The following COL6A6 variants were observed in gnomAD, a reference collection of about 807,000 sequenced individuals.
COL6A6 encodes collagen type VI alpha 6 chain.
In COL6A6, 183 loss-of-function variants were observed where a neutral mutation model predicts 208.6. That is an observed-to-expected ratio of 0.88 (90% CI 0.78 to 0.99). The LOEUF (loss-of-function observed/expected upper bound fraction) is 0.99. COL6A6 is among the 50% of genes least tolerant of loss of function. COL6A6 has a pLI of 0.00. For synonymous variants in COL6A6, 973 were observed against 1,011.8 expected, an observed-to-expected ratio of 0.96 and a Z score of 0.73; for missense variants, 2,816 against 2,815.2, an observed-to-expected ratio of 1.00 and a Z score of -0.01.
At chr3:130,616,192 G>A (rs1424001931) in intron 23 of COL6A6, among the ~76,000 whole-genome samples, 5 of 151,478 alleles carry the variant, frequency 3.3e-5, no homozygotes, top group Non-Finnish European at 7.4e-5. Context: ...ATTCTTCACC[G>A]GTTCTATAAA....
chr3:130,594,831 C>T (rs1002546259), intron 18 of COL6A6, among the ~76,000 whole-genome samples: 5 of 152,182 alleles, frequency 3.3e-5, no homozygotes, highest in African/African-American at 4.8e-5. Context: ...AGCAAAAGGA[C>T]GTCTTATATG....
In COL6A6 at chr3:130,566,995, T is replaced by C. The variant is rs2063041700; in HGVS notation, c.1576T>C (p.Leu526=). The C allele has an allele frequency of 6.2e-7, 1 of 1,613,900 alleles. No individual in the cohort carries two copies. Among genetic ancestry groups the C allele is most frequent in the Non-Finnish European group, 8.5e-7 (1 of 1,179,900 alleles). Residue 526 remains leucine (L), a synonymous_variant, in exon 5 of 37, where the codon TTG becomes CTG. Transcript: ENST00000358511. ...AGCACTGAATTTCACACTGAGTCTG[T>C]TGCAAAAAGCAAAGAAGCAGCGAGG... ...GAALNFTLSL[L]QKAKKQRGNK...
In COL6A6 at chr3:130,524,588, CT is replaced by C. The variant is rs373007350; in HGVS notation, c.-32+7192del. 5.4e-4 allele frequency among the ~76,000 whole-genome samples: 82 copies of C among 151,044 alleles called. 1 individual carries two copies. In the South Asian group the frequency reaches 0.016, roughly 29 times the overall value. Reference sequence around the variant, plus strand: ...TAAATTCATAAATATGTATTCTTAGCTGCAAAATTCTTTAAGTAGTTGCCTT... The same window carrying C: ...TAAATTCATAAATATGTATTCTTAGCGCAAAATTCTTTAAGTAGTTGCCTT... On this transcript the variant is annotated intron_variant, in intron 1 of 36. Coordinates refer to ENST00000358511, the MANE Select transcript of COL6A6 (RefSeq NM_001102608.3).
intron 26 of COL6A6, among the ~76,000 whole-genome samples, chr3:130,627,663 T>A (rs1191969774): frequency 2.0e-5 from 3 of 152,184 alleles, no homozygotes; most frequent in Non-Finnish European, 4.4e-5. Flanking sequence ...TCTTAGCCAC[T>A]CCAGGCTCAA....
chr3:130,574,348 G>T lies in COL6A6; in HGVS notation c.3370G>T (p.Ala1124Ser), dbSNP rs761558991. Residue 1124 changes from alanine to serine, a missense_variant, in exon 8 of 37, where the codon GCC becomes TCC. Transcript: ENST00000358511. ...AGACGAGGTGGCCCAGGCCGCGGAA[G>T]CCCTGAGACACAGAGGTATCGACAT... is the stretch of plus-strand genomic sequence containing the variant. ...SQDEVAQAAE[A>S]LRHRGIDIYS... 4 of 1,613,910 alleles carry T rather than the reference G, an allele frequency of 2.5e-6. No homozygotes were observed. In the East Asian group the frequency reaches 8.9e-5, roughly 36 times the overall value.
intron 23 of COL6A6, among the ~76,000 whole-genome samples, chr3:130,611,089 C>T (rs2064344674): frequency 6.6e-6 from 1 of 152,084 alleles, no homozygotes; most frequent in Non-Finnish European, 1.5e-5. Flanking sequence ...TAAAACATTC[C>T]ACCACCTAGA....
chr3:130,657,668 CAG>C (rs930292390), intron 33 of COL6A6, among the ~76,000 whole-genome samples: 2 of 152,192 alleles, frequency 1.3e-5, no homozygotes, highest in African/African-American at 4.8e-5. Context: ...ACTCAAAATA[CAG>C]AGGTGTCCTC....
At position 130,532,899 on chromosome 3, in the gene COL6A6, T is replaced by G. The variant is rs554993138; in HGVS notation, c.-32+15502T>G. ...CTGGTTAGGCATCTCTCCTGACCTCTTCACAAAGCCTCTCCATGGAGCTAG... is the reference window on the plus strand; with the variant it reads ...CTGGTTAGGCATCTCTCCTGACCTCGTCACAAAGCCTCTCCATGGAGCTAG... On this transcript the variant is annotated intron_variant, in intron 1 of 36. Transcript: ENST00000358511. 1.8e-3 allele frequency among the ~76,000 whole-genome samples: 279 copies of G among 152,234 alleles called. 1 individual carries two copies. The highest frequency in any genetic ancestry group is 6.3e-3 in the African/African-American group (261 of 41,542).
At chr3:130,547,884 G>A (rs1166361118) in intron 1 of COL6A6, among the ~76,000 whole-genome samples, 3 of 152,262 alleles carry the variant, frequency 2.0e-5, no homozygotes, top group Non-Finnish European at 4.4e-5. Flanking sequence ...TGCAACCTTC[G>A]CCTCCCGGGT....
At chr3:130,661,151 T>C (rs1472743532) in intron 34 of COL6A6, among the ~76,000 whole-genome samples, 1 of 152,252 alleles carries the variant, frequency 6.6e-6, no homozygotes, top group Non-Finnish European at 1.5e-5. Context: ...GGATCACTCA[T>C]AGGTAGACAC....
chr3:130,667,002 G>A (rs1413300965), intron 36 of COL6A6, among the ~76,000 whole-genome samples: 1 of 152,158 alleles, frequency 6.6e-6, no homozygotes, highest in African/African-American at 2.4e-5. Flanking sequence ...AATTGTAACA[G>A]TGGAAACCAC....
chr3:130,603,312 A>G (rs1452102089), intron 20 of COL6A6, among the ~76,000 whole-genome samples: 1 of 152,216 alleles, frequency 6.6e-6, no homozygotes, highest in Non-Finnish European at 1.5e-5. Context: ...CTGACCTGTA[A>G]CAATGAAAAA....
chr3:130,554,101 T>G (rs1367065085), intron 1 of COL6A6, among the ~76,000 whole-genome samples: 1 of 152,216 alleles, frequency 6.6e-6, no homozygotes, highest in African/African-American at 2.4e-5. Context: ...CCTGGACTGC[T>G]GGACACAACA....
At chr3:130,547,144 C>T (rs1014031296) in intron 1 of COL6A6, among the ~76,000 whole-genome samples, 2 of 152,238 alleles carry the variant, frequency 1.3e-5, no homozygotes, top group African/African-American at 2.4e-5. Flanking sequence ...GTTTGGGCCA[C>T]GAGGCAGCCG....
At chr3:130,577,167 C>G (rs548694245) in intron 8 of COL6A6, among the ~76,000 whole-genome samples, 9 of 152,140 alleles carry the variant, frequency 5.9e-5, no homozygotes, top group Non-Finnish European at 1.2e-4. Flanking sequence ...ACTCAATTCT[C>G]CCAACATCTT....
At chr3:130,662,374 G>A (rs1314844517) in intron 35 of COL6A6, 66 bp downstream of exon 35, 1 of 1,463,370 alleles carries the variant, frequency 6.8e-7, no homozygotes, top group Admixed American at 2.0e-5. Context: ...AAAAAAGGTT[G>A]ATGAGCTAAC....
chr3:130,628,819 G>A lies in COL6A6; in HGVS notation c.4992+1450G>A, dbSNP rs544892820. On this transcript the variant is annotated intron_variant, in intron 26 of 36. Transcript: ENST00000358511. Reference sequence around the variant, plus strand: ...CGGTGATTTCTGCATTTCCATCTGAGACCTGCAGCTGAGGGTCCTGTCTGT... The same window carrying A: ...CGGTGATTTCTGCATTTCCATCTGAAACCTGCAGCTGAGGGTCCTGTCTGT... Among the ~76,000 whole-genome samples the A allele has an allele frequency of 7.1e-5, 5 of 70,202 alleles. 2 individuals are homozygous for A. In the South Asian group the frequency reaches 2.1e-3, roughly 29 times the overall value. 46.1% of individuals were successfully genotyped at this position (70,202 alleles called of 152,430 possible). A position where few individuals can be genotyped will look rare whatever the true frequency, so the allele number is the denominator to read the frequency against.
Position 130,616,207 on chromosome 3 carries a change from C to A in COL6A6, c.4815+5496C>A, listed in dbSNP as rs1019793702. Among the ~76,000 whole-genome samples the A allele has an allele frequency of 3.6e-3, 543 of 152,192 alleles. 5 individuals carry two copies. The highest frequency in any genetic ancestry group is 0.012 in the African/African-American group (518 of 41,534). ...ATTCTTCACCGGTTCTATAAATTCC[C>A]TGCCATAGGTTTCATATTGTTTTAC... On this transcript the variant is annotated intron_variant, in intron 23 of 36. Transcript: ENST00000358511.
chr3:130,608,442 G>A (rs987950891), intron 21 of COL6A6, among the ~76,000 whole-genome samples: 11 of 152,046 alleles, frequency 7.2e-5, no homozygotes, highest in Admixed American at 5.9e-4. Context: ...TCTTGTCTGT[G>A]ACAGAATTCA....
Sources: gnomAD v4.1 joint callset for allele counts (sites outside exome capture counted in the v4.1 genomes callset) on GRCh38, gnomAD v4.1.1 for gene constraint, MANE v1.5 for transcripts, NCBI Gene and HGNC (gene_info 2026-07-23, HGNC 2026-07-21) for gene names.